NLN: variants seen among roughly 807,000 people sequenced by gnomAD.
The protein encoded by NLN is neurolysin.
Under a neutral mutation model 79.9 loss-of-function variants are expected in NLN, and 64 were observed. The observed-to-expected ratio is 0.80, with a 90% CI of 0.65 to 0.99. The LOEUF (loss-of-function observed/expected upper bound fraction) is 0.99, where lower values mean the gene tolerates loss of function less well. NLN is among the 50% of genes least tolerant of loss of function. The pLI is 0.00. For synonymous variants in NLN, 267 were observed against 296.6 expected, an observed-to-expected ratio of 0.90 and a Z score of 1.02; for missense variants, 835 against 858.7, an observed-to-expected ratio of 0.97 and a Z score of 0.34.
chr5:65,777,449 T>A lies in NLN; in HGVS notation c.473T>A (p.Ile158Lys). The change falls in exon 4 of 13, where the codon ATA becomes AAA. Residue 158 changes from isoleucine to lysine, a missense_variant. Coordinates refer to ENST00000380985, the MANE Select transcript of NLN (RefSeq NM_020726.5). Reference protein sequence around the residue: ...HLQETCDLGKIKPEARRYLEK... With the variant: ...HLQETCDLGKKKPEARRYLEK... ...CAGGAAACCTGTGATCTGGGGAAGA[T>A]AAAACCTGAGGCCAGACGATACTTG... 1 of 1,612,642 alleles carries A rather than the reference T, an allele frequency of 6.2e-7. No individual in the cohort carries two copies. Among genetic ancestry groups the A allele is most frequent in the Non-Finnish European group, 8.5e-7 (1 of 1,178,886 alleles).
chr5:65,822,159 T>TA (rs1760817317), intron 12 of NLN, among the ~76,000 whole-genome samples: 1 of 152,236 alleles, frequency 6.6e-6, no homozygotes, highest in Non-Finnish European at 1.5e-5. Flanking sequence ...TAAATAAAAG[T>TA]AGAGGAACTG....
intron 6 of NLN, among the ~76,000 whole-genome samples, chr5:65,784,539 A>T (rs1020603466): frequency 2.0e-5 from 3 of 152,184 alleles, no homozygotes; most frequent in African/African-American, 7.2e-5. Context: ...ATATCCTCAC[A>T]TGGCAGAAGG....
At chr5:65,798,718 A>G (rs374686535) in intron 9 of NLN, among the ~76,000 whole-genome samples, 49 of 152,358 alleles carry the variant, frequency 3.2e-4, no homozygotes, top group African/African-American at 1.1e-3. Flanking sequence ...CAATACATAC[A>G]TGTGTAAATA....
At chr5:65,733,958 C>T (rs1758671235) in intron 1 of NLN, among the ~76,000 whole-genome samples, 1 of 135,370 alleles carries the variant, frequency 7.4e-6, no homozygotes, top group Admixed American at 7.2e-5. Context: ...AGTGCACTGG[C>T]ACGACTTCGG....
At chr5:65,808,751 G>A (rs569530733) in intron 9 of NLN, among the ~76,000 whole-genome samples, 12 of 152,176 alleles carry the variant, frequency 7.9e-5, no homozygotes, top group Admixed American at 4.6e-4. Context: ...GAATACATCC[G>A]TTGTTTCTCT....
At chr5:65,753,627 G>T (rs1412887664) in intron 1 of NLN, among the ~76,000 whole-genome samples, 1 of 151,194 alleles carries the variant, frequency 6.6e-6, no homozygotes, top group Non-Finnish European at 1.5e-5. Flanking sequence ...TCCAACCTAG[G>T]GGATAGAGTG....
rs973077613 is a variant in NLN, at chr5:65,823,738, G to A, written c.*823G>A. 1 of 151,838 alleles carries A rather than the reference G, an allele frequency of 6.6e-6. No homozygotes were observed. The highest frequency in any genetic ancestry group is 1.9e-4 in the East Asian group (1 of 5,186). 9.4% of individuals were successfully genotyped at this position (151,838 alleles called of 1,614,324 possible). A position where few individuals can be genotyped will look rare whatever the true frequency, so the allele number is the denominator to read the frequency against. Reference sequence around the variant, plus strand: ...TCCAAGCACATTTTTCTCTTCTCACGTTTCTAATAAGTGTTAGGGACTTTG... The same window carrying A: ...TCCAAGCACATTTTTCTCTTCTCACATTTCTAATAAGTGTTAGGGACTTTG... On this transcript the variant is annotated 3_prime_UTR_variant, in exon 13 of 13. Coordinates refer to ENST00000380985, the MANE Select transcript of NLN (RefSeq NM_020726.5).
chr5:65,805,019 A>G (rs1462944876), intron 9 of NLN, among the ~76,000 whole-genome samples: 4 of 152,158 alleles, frequency 2.6e-5, no homozygotes, highest in African/African-American at 9.6e-5. Flanking sequence ...AGACTTTTCC[A>G]TTATTTTTAT....
Position 65,788,494 on chromosome 5 carries a change from A to T in NLN, c.1325+10A>T. 1 of 1,607,360 alleles carries T rather than the reference A, an allele frequency of 6.2e-7. No individual in the cohort carries two copies. The highest frequency in any genetic ancestry group is 1.1e-5 in the South Asian group (1 of 90,548). On this transcript the variant is annotated intron_variant, in intron 8 of 12. Transcript: ENST00000380985. The stretch of plus-strand genomic sequence containing the variant: ...TGGACCTCTATCCAAGGTACTGAGG[A>T]TCACGTTGTTGGAAGGGACCTTAGG...
chr5:65,772,974 G>A (rs1398607921), intron 3 of NLN, among the ~76,000 whole-genome samples: 1 of 148,740 alleles, frequency 6.7e-6, no homozygotes, highest in Non-Finnish European at 1.5e-5. Flanking sequence ...TTTTAAATGA[G>A]CAGGGTCTCA....
At chr5:65,726,682 AT>A (rs1758480797) in intron 1 of NLN, among the ~76,000 whole-genome samples, 1 of 152,194 alleles carries the variant, frequency 6.6e-6, no homozygotes, top group South Asian at 2.1e-4. Context: ...CCAAAAAATT[AT>A]TACCTTGTTA....
At chr5:65,728,999 A>T (rs553747622) in intron 1 of NLN, among the ~76,000 whole-genome samples, 2 of 152,144 alleles carry the variant, frequency 1.3e-5, no homozygotes, top group Non-Finnish European at 2.9e-5. Flanking sequence ...GTTTGCCACC[A>T]CACCCGGCTA....
intron 3 of NLN, among the ~76,000 whole-genome samples, chr5:65,766,791 G>A (rs928729451): frequency 2.6e-5 from 4 of 152,218 alleles, no homozygotes; most frequent in African/African-American, 4.8e-5. Context: ...GGGTACAGGC[G>A]TTGGGTAAAT....
intron 1 of NLN, among the ~76,000 whole-genome samples, chr5:65,731,037 A>G (rs1196969318): frequency 6.6e-6 from 1 of 152,178 alleles, no homozygotes; most frequent in African/African-American, 2.4e-5. Flanking sequence ...TAACTCATTC[A>G]TGCTCCTTCA....
chr5:65,738,431 A>G (rs1456320205), intron 1 of NLN, among the ~76,000 whole-genome samples: 1 of 151,688 alleles, frequency 6.6e-6, no homozygotes, highest in Non-Finnish European at 1.5e-5. Context: ...AAAAAATGTA[A>G]AAAGCCAGAT....
intron 6 of NLN, 43 bp downstream of exon 6, chr5:65,781,464 T>C: frequency 6.9e-7 from 1 of 1,447,218 alleles, no homozygotes; most frequent in Non-Finnish European, 9.6e-7. Context: ...AATGGAATAT[T>C]TTAAGAAAAG....
At chr5:65,793,090 C>CT (rs1760102978) in intron 9 of NLN, 1 of 280,128 alleles carries the variant, frequency 3.6e-6, no homozygotes, top group Non-Finnish European at 6.9e-6. Context: ...TAACATTTGC[C>CT]TTTACTAACT....
At chr5:65,754,606 T>C (rs947482722) in intron 1 of NLN, among the ~76,000 whole-genome samples, 2 of 152,142 alleles carry the variant, frequency 1.3e-5, no homozygotes, top group Non-Finnish European at 1.5e-5. Flanking sequence ...ATTCCCTGAA[T>C]CTTCCCTTCT....
Position 65,828,040 on chromosome 5 carries a change from T to A in NLN, c.*5125T>A, listed in dbSNP as rs1760951517. 1 of 152,106 alleles carries A rather than the reference T, an allele frequency of 6.6e-6. No individual in the cohort carries two copies. Among genetic ancestry groups the A allele is most frequent in the African/African-American group, 2.4e-5 (1 of 41,408 alleles). 9.4% of individuals were successfully genotyped at this position (152,106 alleles called of 1,614,324 possible). A position where few individuals can be genotyped will look rare whatever the true frequency, so the allele number is the denominator to read the frequency against. The stretch of plus-strand genomic sequence containing the variant: ...CTCAAAAGTAAAAAAATAATAATGT[T>A]TAAAAATATTTCAATGTGGAGACAA... On this transcript the variant is annotated 3_prime_UTR_variant, in exon 13 of 13. Transcript: ENST00000380985.
Sources: allele counts gnomAD v4.1 joint callset (sites outside exome capture counted in the v4.1 genomes callset), GRCh38; gene constraint gnomAD v4.1.1; transcripts MANE v1.5; gene names NCBI Gene and HGNC (gene_info 2026-07-23, HGNC 2026-07-21).